Variants in HIF3A observed in about 807,000 individuals in gnomAD.
The protein encoded by HIF3A is hypoxia inducible factor 3 subunit alpha.
In HIF3A, 41 loss-of-function variants were observed where a neutral mutation model predicts 67.2. That is an observed-to-expected ratio of 0.61 (90% CI 0.48 to 0.79). The LOEUF (loss-of-function observed/expected upper bound fraction) is 0.79, where lower values mean the gene tolerates loss of function less well. Among genes scored for constraint, HIF3A ranks in the 30% least tolerant of loss-of-function variants. The probability of loss-of-function intolerance (pLI) is 0.00; values close to 1 mark genes in which losing one functional copy is unlikely to be tolerated. For synonymous variants in HIF3A, 356 were observed against 374.8 expected, an observed-to-expected ratio of 0.95 and a Z score of 0.58; for missense variants, 855 against 898.0, an observed-to-expected ratio of 0.95 and a Z score of 0.61.
At position 46,297,067 on chromosome 19, in the gene HIF3A, C is replaced by G; in HGVS notation, c.-10C>G. Reference sequence around the variant, plus strand: ...GCCTCCGAGGGCTCCGGAGCGGCGACTGGCGAGCCATGGCGCTGGGGCTGC... The same window carrying G: ...GCCTCCGAGGGCTCCGGAGCGGCGAGTGGCGAGCCATGGCGCTGGGGCTGC... On this transcript the variant is annotated 5_prime_UTR_variant, in exon 1 of 15. Coordinates refer to ENST00000377670, the MANE Select transcript of HIF3A (RefSeq NM_152795.4). The surrounding 1 kb of genome is among the most constrained non-coding windows in gnomAD (Gnocchi z 4.5). 2 of 1,307,122 alleles carry G rather than the reference C, an allele frequency of 1.5e-6. No individual in the cohort carries two copies. The highest frequency in any genetic ancestry group is 2.0e-6 in the Non-Finnish European group (2 of 1,018,610). 81.0% of individuals were successfully genotyped at this position (1,307,122 alleles called of 1,614,324 possible).
At position 46,314,866 on chromosome 19, in the gene HIF3A, C is replaced by T. The variant is rs149143105; in HGVS notation, c.1025+2213C>T. 5.3e-4 allele frequency among the ~76,000 whole-genome samples: 77 copies of T among 146,170 alleles called. 9 individuals carry two copies. The highest frequency in any genetic ancestry group is 1.9e-3 in the African/African-American group (76 of 40,408). On this transcript the variant is annotated intron_variant, in intron 8 of 14. Coordinates refer to ENST00000377670, the MANE Select transcript of HIF3A (RefSeq NM_152795.4). ...GAGCCACCACACCCGGCCATTACCA[C>T]GATTTTTTACACAAAAATATTCTCT...
Position 46,308,698 on chromosome 19 carries a change from C to T in HIF3A, c.484C>T (p.Arg162Trp), listed in dbSNP as rs145207349. The T allele has an allele frequency of 1.2e-5, 20 of 1,609,722 alleles. No homozygotes were observed. The African/African-American group carries it at 1.6e-4, about 13-fold the overall frequency. ...GAGGAAGGTGGAGGCCCCCACGGAG[C>T]GGTGCTTCTCCTTGCGCATGAAGAG... ...SRRKVEAPTE[R>W]CFSLRMKSTL... is the part of the protein sequence containing the mutation. The change falls in exon 5 of 15, where the codon CGG becomes TGG. Residue 162 changes from arginine to tryptophan, a missense_variant. Physicochemically the swap from Arg to Trp is moderately radical, Grantham distance 101. Around this residue, in one of 3 missense-constraint regions of HIF3A, gnomAD observed 638 missense variants for 660.5 expected, o/e 0.97. Transcript: ENST00000377670.
At chr19:46,304,253 G>C in intron 2 of HIF3A, 165 bp downstream of exon 2, 1 of 618,800 alleles carries the variant, frequency 1.6e-6, no homozygotes, top group Non-Finnish European at 2.8e-6. Context: ...CGACTTCCCC[G>C]GGGAGGCCCC....
At chr19:46,327,104 G>A (rs1355239350) in intron 11 of HIF3A, among the ~76,000 whole-genome samples, 7 of 151,972 alleles carry the variant, frequency 4.6e-5, no homozygotes. Context: ...GCAGTGAGCC[G>A]AGATTGTGCC....
intron 2 of HIF3A, among the ~76,000 whole-genome samples, chr19:46,304,457 T>C (rs1029335502): frequency 1.3e-5 from 2 of 152,168 alleles, no homozygotes; most frequent in Non-Finnish European, 1.5e-5. Context: ...TCTCTCATAA[T>C]ATATCCACTG....
intron 14 of HIF3A, among the ~76,000 whole-genome samples, chr19:46,338,747 G>A (rs1210005849): frequency 6.6e-6 from 1 of 152,136 alleles, no homozygotes; most frequent in Non-Finnish European, 1.5e-5. Context: ...CCTGCCCCAG[G>A]TCACACAGCA....
intron 2 of HIF3A, among the ~76,000 whole-genome samples, chr19:46,304,634 G>A (rs1237168093): frequency 1.3e-5 from 2 of 151,968 alleles, no homozygotes; most frequent in Non-Finnish European, 2.9e-5. Context: ...GCACGCGCGC[G>A]TGCACACACA....
At chr19:46,299,343 G>A (rs892417081) in intron 1 of HIF3A, among the ~76,000 whole-genome samples, 7 of 152,234 alleles carry the variant, frequency 4.6e-5, no homozygotes, top group African/African-American at 1.7e-4. Flanking sequence ...CCAAAGACAG[G>A]GTTCAAATCC....
rs149233194 is a variant in HIF3A, at chr19:46,299,043, G to C, written c.26+1941G>C. ...GAACTTCTCTCCTTCCTGGTTGGAG[G>C]GGGGCACTGGGCCCCAACCCCCATT... On this transcript the variant is annotated intron_variant, in intron 1 of 14. Coordinates refer to ENST00000377670, the MANE Select transcript of HIF3A (RefSeq NM_152795.4). Among the ~76,000 whole-genome samples the C allele has an allele frequency of 6.1e-3, 934 of 152,358 alleles. 9 individuals carry two copies. The highest frequency in any genetic ancestry group is 0.043 in the South Asian group (207 of 4,830).
Position 46,335,308 on chromosome 19 carries a change from C to T in HIF3A, c.1912+322C>T, listed in dbSNP as rs189775163. On this transcript the variant is annotated intron_variant, in intron 14 of 14. Transcript: ENST00000377670. ...TTTTGAGATGAAGTCTCACTCTTGTCGCCCAGGCTGGAGTGCAGTGGCATG... is the reference window on the plus strand; with the variant it reads ...TTTTGAGATGAAGTCTCACTCTTGTTGCCCAGGCTGGAGTGCAGTGGCATG... Among the ~76,000 whole-genome samples the T allele has an allele frequency of 1.8e-3, 268 of 151,046 alleles. 1 individual carries two copies. The highest frequency in any genetic ancestry group is 5.7e-3 in the African/African-American group (233 of 40,712).
intron 1 of HIF3A, among the ~76,000 whole-genome samples, chr19:46,301,916 T>C (rs1353134048): frequency 6.6e-6 from 1 of 151,860 alleles, no homozygotes; most frequent in African/African-American, 2.4e-5. Context: ...GATGAATACA[T>C]GTAGAATATA....
intron 3 of HIF3A, among the ~76,000 whole-genome samples, chr19:46,305,923 CA>C (rs1472759686): frequency 6.6e-6 from 1 of 151,998 alleles, no homozygotes; most frequent in African/African-American, 2.4e-5. Context: ...ACCAAAAATA[CA>C]AAAAATTTGC....
rs141877210 is a variant in HIF3A, at chr19:46,298,456, AC to A, written c.26+1356del. 1.5e-3 allele frequency: 1,913 copies of A among 1,287,340 alleles called. 22 individuals are homozygous for A. In the African/African-American group the frequency reaches 0.026, roughly 17 times the overall value. The allele number at this position is 1,287,340 out of a possible 1,614,324, so 79.7% of individuals were successfully genotyped here. A position where few individuals can be genotyped will look rare whatever the true frequency, so the allele number is the denominator to read the frequency against. On this transcript the variant is annotated intron_variant, in intron 1 of 14. Coordinates refer to ENST00000377670, the MANE Select transcript of HIF3A (RefSeq NM_152795.4). Reference sequence around the variant, plus strand: ...TAACTCGCACCCGGGTCCTGGCTGCACCGCATCCCCTCCTGCACCCCCTGGA... The same window carrying A: ...TAACTCGCACCCGGGTCCTGGCTGCACGCATCCCCTCCTGCACCCCCTGGA...
intron 8 of HIF3A, among the ~76,000 whole-genome samples, chr19:46,318,788 T>G (rs748114460): frequency 3.3e-5 from 5 of 151,690 alleles, no homozygotes; most frequent in Non-Finnish European, 7.4e-5. Flanking sequence ...ACTCAGCTAA[T>G]TTTTGTATTT....
At chr19:46,310,836 C>T in intron 6 of HIF3A, 1 of 278,044 alleles carries the variant, frequency 3.6e-6, no homozygotes, top group Non-Finnish European at 7.2e-6. Context: ...CTGCAACGTC[C>T]ACCTCCCGGG....
chr19:46,304,106 G>C lies in HIF3A; in HGVS notation c.217+18G>C, dbSNP rs1184903790. On this transcript the variant is annotated intron_variant, in intron 2 of 14. Coordinates refer to ENST00000377670, the MANE Select transcript of HIF3A (RefSeq NM_152795.4). Reference sequence around the variant, plus strand: ...CGCCGCAGGTGAGCCCCGCCCGCGGGAATTCCCGTCTTGGTCAGGCCCCGC... The same window carrying C: ...CGCCGCAGGTGAGCCCCGCCCGCGGCAATTCCCGTCTTGGTCAGGCCCCGC... 1.2e-5 allele frequency: 18 copies of C among 1,545,776 alleles called. No individual in the cohort carries two copies. Among genetic ancestry groups the C allele is most frequent in the Non-Finnish European group, 1.6e-5 (18 of 1,147,280 alleles).
At position 46,297,056 on chromosome 19, in the gene HIF3A, C is replaced by A. The variant is rs765024334; in HGVS notation, c.-21C>A. On this transcript the variant is annotated 5_prime_UTR_variant, in exon 1 of 15. Transcript: ENST00000377670. This position sits in a 1 kb window ranked among gnomAD's most constrained non-coding sequence, Gnocchi z 4.5. ...GGGGGCTAGGGGCCTCCGAGGGCTC[C>A]GGAGCGGCGACTGGCGAGCCATGGC... 7 of 1,304,126 alleles carry A rather than the reference C, an allele frequency of 5.4e-6. 1 individual carries two copies. In the South Asian group the frequency reaches 2.2e-4, roughly 42 times the overall value. The allele number at this position is 1,304,126 out of a possible 1,614,324, so 80.8% of individuals were successfully genotyped here. A position where few individuals can be genotyped will look rare whatever the true frequency, so the allele number is the denominator to read the frequency against.
At chr19:46,317,062 A>G (rs1277445342) in intron 8 of HIF3A, among the ~76,000 whole-genome samples, 1 of 152,114 alleles carries the variant, frequency 6.6e-6, no homozygotes, top group Non-Finnish European at 1.5e-5. Context: ...CTGGGACTAT[A>G]GGTGCGCACT....
intron 14 of HIF3A, among the ~76,000 whole-genome samples, chr19:46,339,022 T>G (rs1971823334): frequency 6.6e-6 from 1 of 151,526 alleles, no homozygotes; most frequent in African/African-American, 2.4e-5. Context: ...ACCCCCCACC[T>G]TTTTCCCTTC....
Sources: allele counts gnomAD v4.1 joint callset (sites outside exome capture counted in the v4.1 genomes callset), GRCh38; gene constraint gnomAD v4.1.1; regional missense constraint gnomAD v4.1.1; non-coding constraint Gnocchi (gnomAD v3.1); transcripts MANE v1.5; gene names NCBI Gene and HGNC (gene_info 2026-07-23, HGNC 2026-07-21).